The following RGS22 variants were observed in gnomAD, a reference collection of about 807,000 sequenced individuals.
The protein encoded by RGS22 is regulator of G protein signaling 22.
RGS22 carries 148 observed loss-of-function variants against 172.9 expected under a neutral mutation model. The observed-to-expected ratio is 0.86, with a 90% CI of 0.75 to 0.98. The LOEUF (loss-of-function observed/expected upper bound fraction) is 0.98. Among genes scored for constraint, RGS22 ranks in the 50% least tolerant of loss-of-function variants. The probability of loss-of-function intolerance (pLI) is 0.00; values close to 1 mark genes in which losing one functional copy is unlikely to be tolerated. For missense variants in RGS22, 1,347 were observed against 1,440.8 expected (o/e 0.93, Z 1.05); for synonymous variants, 458 against 480.2 (o/e 0.95, Z 0.60).
At chr8:99,970,994 C>T (rs1037009437) in intron 23 of RGS22, among the ~76,000 whole-genome samples, 3 of 152,174 alleles carry the variant, frequency 2.0e-5, no homozygotes, top group African/African-American at 7.2e-5. Flanking sequence ...CATTTGCAAA[C>T]TGAATCCAGC....
At chr8:100,020,341 G>A (rs1452010996) in intron 14 of RGS22, among the ~76,000 whole-genome samples, 1 of 152,170 alleles carries the variant, frequency 6.6e-6, no homozygotes, top group Admixed American at 6.5e-5. Context: ...AGAAGAAAAA[G>A]CCTTTGGCTA....
At chr8:100,036,122 GA>G (rs999837960) in intron 14 of RGS22, among the ~76,000 whole-genome samples, 5 of 144,618 alleles carry the variant, frequency 3.5e-5, no homozygotes, top group Non-Finnish European at 6.1e-5. Context: ...TTTTAAAAAA[GA>G]AAAAAAATTG....
chr8:100,072,024 C>A, intron 5 of RGS22, 121 bp downstream of exon 5: 1 of 626,468 alleles, frequency 1.6e-6, no homozygotes, highest in Non-Finnish European at 2.7e-6. Flanking sequence ...TAGCAAGACC[C>A]TGACTCTACA....
chr8:100,077,685 GTA>G (rs1412930184), intron 4 of RGS22, among the ~76,000 whole-genome samples: 1 of 152,164 alleles, frequency 6.6e-6, no homozygotes, highest in Non-Finnish European at 1.5e-5. Flanking sequence ...AGAAAAAAAT[GTA>G]TACTTTACTG....
Position 100,013,877 on chromosome 8 carries a change from C to T in RGS22, c.2167-5308G>A, listed in dbSNP as rs117051009. 4.1e-3 allele frequency among the ~76,000 whole-genome samples: 620 copies of T among 152,262 alleles called. 5 individuals are homozygous for T. Among genetic ancestry groups the T allele is most frequent in the Middle Eastern group, 6.8e-3 (2 of 294 alleles). On this transcript the variant is annotated intron_variant, in intron 14 of 27. Transcript: ENST00000360863. ...TATACTCTTACCAACATCCCTAATT[C>T]CTCCCCACTGTATCCTCAAGTTCCT...
At chr8:100,057,411 T>G (rs1369393271) in intron 9 of RGS22, among the ~76,000 whole-genome samples, 4 of 152,056 alleles carry the variant, frequency 2.6e-5, no homozygotes, top group Non-Finnish European at 5.9e-5. Flanking sequence ...AACATTAGAT[T>G]TCTGGGAGGG....
At chr8:99,997,640 A>C (rs1037633220) in intron 19 of RGS22, among the ~76,000 whole-genome samples, 6 of 152,188 alleles carry the variant, frequency 3.9e-5, no homozygotes, top group African/African-American at 1.4e-4. Flanking sequence ...ATTAGTATTA[A>C]TGGCATGTGG....
chr8:100,029,700 C>T (rs1435174485), intron 14 of RGS22, among the ~76,000 whole-genome samples: 2 of 89,948 alleles, frequency 2.2e-5, no homozygotes, highest in Non-Finnish European at 4.0e-5. Context: ...GAAACTCCGT[C>T]TCAAAAAAAA....
Position 100,105,897 on chromosome 8 carries a change from C to G in RGS22, c.25G>C (p.Glu9Gln). 2 of 1,501,074 alleles carry G rather than the reference C, an allele frequency of 1.3e-6. No individual in the cohort carries two copies. Among genetic ancestry groups the G allele is most frequent in the Non-Finnish European group, 1.8e-6 (2 of 1,127,100 alleles). 93.0% of individuals were successfully genotyped at this position (1,501,074 alleles called of 1,614,324 possible). The part of the protein sequence containing the change: MPEKRLTA[E>Q]PPTITEEEFE... Reference sequence around the variant, plus strand: ...CTGTCCCTGTGGGGCCGCCACCTACCCGCGGTGAGCCTCTTCTCGGGCATG... The same window carrying G: ...CTGTCCCTGTGGGGCCGCCACCTACGCGCGGTGAGCCTCTTCTCGGGCATG... The change falls in exon 1 of 28, where the codon GAG becomes CAG. Residue 9 changes from glutamate (E) to glutamine (Q), a missense_variant and splice_region_variant. Physicochemically the swap from Glu to Gln is conservative, Grantham distance 29. Coordinates refer to ENST00000360863, the MANE Select transcript of RGS22 (RefSeq NM_015668.5).
intron 20 of RGS22, among the ~76,000 whole-genome samples, chr8:99,988,259 T>C (rs185587423): frequency 0.011 from 1,626 of 152,042 alleles, 12 homozygotes; most frequent in Middle Eastern, 0.017. Context: ...CTTTGACTGA[T>C]GGTTTACTTT....
At chr8:99,962,570 G>T in intron 26 of RGS22, 117 bp downstream of exon 26, 2 of 1,382,072 alleles carry the variant, frequency 1.4e-6, no homozygotes, top group Non-Finnish European at 2.0e-6. Flanking sequence ...GGGCAGAATA[G>T]GGTGGAGGGG....
intron 14 of RGS22, among the ~76,000 whole-genome samples, chr8:100,032,879 A>G (rs1818991835): frequency 6.6e-6 from 1 of 152,202 alleles, no homozygotes; most frequent in African/African-American, 2.4e-5. Context: ...AAAACCACAC[A>G]ACTACATGGA....
At chr8:100,073,457 T>C (rs1811131402) in intron 4 of RGS22, among the ~76,000 whole-genome samples, 1 of 152,054 alleles carries the variant, frequency 6.6e-6, no homozygotes, top group Non-Finnish European at 1.5e-5. Context: ...AAAACATGTA[T>C]TTGCCTTCAC....
intron 20 of RGS22, among the ~76,000 whole-genome samples, chr8:99,987,982 ATTTT>A (rs1450621544): frequency 1.3e-5 from 2 of 151,412 alleles, no homozygotes; most frequent in Admixed American, 6.6e-5. Context: ...TACATTATTT[ATTTT>A]ATTATTACAT....
chr8:100,062,893 C>T (rs1385288647), intron 8 of RGS22, 141 bp from the exon 9 acceptor site: 1 of 678,058 alleles, frequency 1.5e-6, no homozygotes, highest in South Asian at 1.9e-5. Context: ...CTTCAACTTA[C>T]AGTAATCTAA....
intron 14 of RGS22, among the ~76,000 whole-genome samples, chr8:100,027,238 A>T (rs1297878583): frequency 6.6e-6 from 1 of 150,612 alleles, no homozygotes; most frequent in East Asian, 1.9e-4. Context: ...CCTTGTCTCA[A>T]AAAAAAAAGA....
At chr8:100,043,954 T>C (rs544059482) in intron 11 of RGS22, among the ~76,000 whole-genome samples, 1 of 152,182 alleles carries the variant, frequency 6.6e-6, no homozygotes, top group South Asian at 2.1e-4. Context: ...AATGAAGAAC[T>C]ATATGCAAAC....
intron 14 of RGS22, among the ~76,000 whole-genome samples, chr8:100,021,836 A>G (rs909184472): frequency 2.0e-5 from 3 of 152,094 alleles, no homozygotes; most frequent in Admixed American, 2.0e-4. Context: ...AAATGCTGTG[A>G]TACAGGATAC....
chr8:99,998,825 G>A (rs939962873), intron 19 of RGS22, among the ~76,000 whole-genome samples: 14 of 151,930 alleles, frequency 9.2e-5, no homozygotes, highest in African/African-American at 2.9e-4. Flanking sequence ...GCCACCACAC[G>A]TGGCTGACTC....
Sources: gnomAD v4.1 joint callset for allele counts (sites outside exome capture counted in the v4.1 genomes callset) on GRCh38, gnomAD v4.1.1 for gene constraint, MANE v1.5 for transcripts, NCBI Gene and HGNC (gene_info 2026-07-23, HGNC 2026-07-21) for gene names.